The following ARSB variants were observed in gnomAD, a reference collection of about 807,000 sequenced individuals.
ARSB encodes N-acetylgalactosamine-4-sulfatase.
Under a neutral mutation model 50.9 loss-of-function variants are expected in ARSB, and 41 were observed. That is an observed-to-expected ratio of 0.81 (90% CI 0.63 to 1.04). The LOEUF is 1.04. ARSB is among the 50% of genes least tolerant of loss of function. The pLI is 0.00. For synonymous variants in ARSB, 269 were observed against 284.8 expected (o/e 0.94, Z 0.56); for missense variants, 672 against 693.3 (o/e 0.97, Z 0.35).
intron 4 of ARSB, among the ~76,000 whole-genome samples, chr5:78,890,763 C>T (rs534359143): frequency 7.9e-5 from 12 of 152,298 alleles, no homozygotes; most frequent in African/African-American, 2.4e-4. Context: ...ATAAAAAGTG[C>T]CCTGAGCTTC....
At chr5:78,904,681 CTTTCTTT>C (rs1173523434) in intron 4 of ARSB, among the ~76,000 whole-genome samples, 27 of 127,332 alleles carry the variant, frequency 2.1e-4, no homozygotes, top group African/African-American at 7.6e-4. Context: ...TCTTTTCTTT[CTTTCTTT>C]TTTTTTTTTT....
At chr5:78,939,403 G>A (rs575362001) in intron 4 of ARSB, among the ~76,000 whole-genome samples, 2 of 151,736 alleles carry the variant, frequency 1.3e-5, no homozygotes, top group Non-Finnish European at 2.9e-5. Context: ...TTAGCATTAG[G>A]TATATCTCCT....
At chr5:78,804,981 T>C (rs1253719882) in intron 6 of ARSB, among the ~76,000 whole-genome samples, 1 of 152,218 alleles carries the variant, frequency 6.6e-6, no homozygotes, top group Non-Finnish European at 1.5e-5. Flanking sequence ...CCAGAGACCA[T>C]TAGCAGGGAC....
chr5:78,851,225 C>T (rs1745760243), intron 5 of ARSB, among the ~76,000 whole-genome samples: 1 of 152,174 alleles, frequency 6.6e-6, no homozygotes, highest in African/African-American at 2.4e-5. Flanking sequence ...CTACACACTG[C>T]TTTGAATGTG....
chr5:78,980,373 G>A (rs991069372), intron 1 of ARSB, among the ~76,000 whole-genome samples: 5 of 152,012 alleles, frequency 3.3e-5, no homozygotes, highest in South Asian at 2.1e-4. Context: ...CTTCATATAC[G>A]TTCCAATATG....
At chr5:78,967,000 C>T (rs748904289) in intron 2 of ARSB, among the ~76,000 whole-genome samples, 2 of 151,306 alleles carry the variant, frequency 1.3e-5, no homozygotes, top group South Asian at 2.1e-4. Context: ...GGGGCACACA[C>T]ACCCTCCTGT....
chr5:78,934,422 A>G (rs761526045), intron 4 of ARSB, among the ~76,000 whole-genome samples: 2 of 152,212 alleles, frequency 1.3e-5, no homozygotes, highest in Non-Finnish European at 2.9e-5. Context: ...TACTACAATC[A>G]TTAATGGTTA....
chr5:78,938,979 T>C (rs538701158), intron 4 of ARSB, among the ~76,000 whole-genome samples: 7 of 152,214 alleles, frequency 4.6e-5, no homozygotes, highest in Non-Finnish European at 8.8e-5. Context: ...CAGATGCCTG[T>C]TCACTAAATG....
At chr5:78,862,973 G>A (rs1322372225) in intron 5 of ARSB, among the ~76,000 whole-genome samples, 1 of 152,146 alleles carries the variant, frequency 6.6e-6, no homozygotes, top group Non-Finnish European at 1.5e-5. Flanking sequence ...CTCAAAAGAA[G>A]ACATTTATGC....
intron 6 of ARSB, among the ~76,000 whole-genome samples, chr5:78,797,367 T>G (rs908665225): frequency 6.6e-6 from 1 of 152,246 alleles, no homozygotes; most frequent in African/African-American, 2.4e-5. Flanking sequence ...TCGCTGGGTA[T>G]TCTAGACTCC....
At chr5:78,968,609 A>C (rs1752313982) in intron 2 of ARSB, among the ~76,000 whole-genome samples, 1 of 152,118 alleles carries the variant, frequency 6.6e-6, no homozygotes, top group South Asian at 2.1e-4. Flanking sequence ...TCGGCCTCCC[A>C]AAGTGCTGGG....
At chr5:78,887,130 G>A (rs775493143) in intron 4 of ARSB, among the ~76,000 whole-genome samples, 8 of 152,200 alleles carry the variant, frequency 5.3e-5, no homozygotes, top group South Asian at 2.1e-4. Context: ...ACAGAATACT[G>A]AGACTAGGTA....
intron 6 of ARSB, among the ~76,000 whole-genome samples, chr5:78,789,588 C>A (rs550765288): frequency 6.6e-6 from 1 of 152,136 alleles, no homozygotes; most frequent in Non-Finnish European, 1.5e-5. Flanking sequence ...AAAGTCATCA[C>A]AAAGGCCACC....
At chr5:78,944,770 C>G (rs758548074) in intron 4 of ARSB, among the ~76,000 whole-genome samples, 1 of 152,208 alleles carries the variant, frequency 6.6e-6, no homozygotes, top group Non-Finnish European at 1.5e-5. Flanking sequence ...AGATCTCAAG[C>G]TGCGTGCTGG....
chr5:78,919,708 G>A (rs555794382), intron 4 of ARSB, among the ~76,000 whole-genome samples: 1 of 152,224 alleles, frequency 6.6e-6, no homozygotes, highest in East Asian at 1.9e-4. Flanking sequence ...GGTCAGGCTG[G>A]TCTCGAACTC....
chr5:78,885,991 C>CT (rs1748017468), intron 4 of ARSB, among the ~76,000 whole-genome samples, 164 bp from the exon 5 acceptor site: 1 of 152,158 alleles, frequency 6.6e-6, no homozygotes, highest in Non-Finnish European at 1.5e-5. Flanking sequence ...TTGACATAGC[C>CT]TTTCATTATT....
intron 6 of ARSB, among the ~76,000 whole-genome samples, chr5:78,826,934 C>T (rs1439093074): frequency 2.0e-5 from 3 of 152,106 alleles, no homozygotes; most frequent in Admixed American, 1.3e-4. Context: ...TTAGGAATCA[C>T]CTATGACAGG....
At chr5:78,924,230 T>C (rs778005738) in intron 4 of ARSB, among the ~76,000 whole-genome samples, 3 of 152,214 alleles carry the variant, frequency 2.0e-5, no homozygotes, top group Non-Finnish European at 4.4e-5. Flanking sequence ...CTCACAATAG[T>C]CCGCTGAGCA....
At chr5:78,853,629 GT>G (rs1745973124) in intron 5 of ARSB, among the ~76,000 whole-genome samples, 1 of 152,242 alleles carries the variant, frequency 6.6e-6, no homozygotes, top group Non-Finnish European at 1.5e-5. Context: ...TGTTACTGAT[GT>G]CTTTTTGTTT....
Sources: gnomAD v4.1 joint callset for allele counts (sites outside exome capture counted in the v4.1 genomes callset) on GRCh38, gnomAD v4.1.1 for gene constraint, MANE v1.5 for transcripts, NCBI Gene and HGNC (gene_info 2026-07-23, HGNC 2026-07-21) for gene names.